CHFR: variants seen among roughly 807,000 people sequenced by gnomAD.
The protein encoded by CHFR is E3 ubiquitin-protein ligase CHFR.
In CHFR, 57 loss-of-function variants were observed where a neutral mutation model predicts 87.6. That is an observed-to-expected ratio of 0.65 (90% confidence interval 0.53 to 0.81). The LOEUF is 0.81. Ranked by LOEUF, CHFR falls within the 30% of genes least tolerant of loss-of-function variation. The pLI, the probability that CHFR is intolerant of heterozygous loss-of-function variation, is 0.00. For synonymous variants in CHFR, 381 were observed against 359.2 expected (o/e 1.06, Z -0.69); for missense variants, 797 against 865.8 (o/e 0.92, Z 1.00).
At position 132,838,605 on chromosome 12, in the gene CHFR, A is replaced by C. The variant is rs1950665663; in HGVS notation, c.*2949T>G. On this transcript the variant is annotated 3_prime_UTR_variant, in exon 18 of 18. Transcript: ENST00000450056. ...GCAGCCCTGCCCTGGGTTTGTCCCA[A>C]GGCTGGGCCAAGGAGCCAGGAAGAA... The C allele has an allele frequency of 6.6e-6, 1 of 152,472 alleles. No homozygotes were observed. The highest frequency in any genetic ancestry group is 2.1e-4 in the South Asian group (1 of 4,838). The allele number at this position is 152,472 out of a possible 1,614,324, so 9.4% of individuals were successfully genotyped here.
At chr12:132,868,464 C>T (rs10870529) in intron 6 of CHFR, among the ~76,000 whole-genome samples, 121,999 of 147,458 alleles carry the variant, frequency 0.83, 52,617 homozygotes, top group Non-Finnish European at 0.98. Flanking sequence ...ATCGCGCCAC[C>T]GCACTCCAGC....
intron 15 of CHFR, among the ~76,000 whole-genome samples, chr12:132,846,647 G>A (rs1400807631): frequency 6.6e-6 from 1 of 152,010 alleles, no homozygotes; most frequent in Non-Finnish European, 1.5e-5. Flanking sequence ...TTGGGAAGCT[G>A]AGGTGGGCAG....
Position 132,838,056 on chromosome 12 carries a change from C to G in CHFR, c.*3498G>C, listed in dbSNP as rs1950661643. ...CTGCCTCAGGGCCAGCATTGCTCCA[C>G]TCTCCCAGCCTGCCAGCCCGAAGCT... On this transcript the variant is annotated 3_prime_UTR_variant, in exon 18 of 18. Coordinates refer to ENST00000450056, the MANE Select transcript of CHFR (RefSeq NM_001161346.2). 6.6e-6 allele frequency: 1 copy of G among 152,314 alleles called. No homozygotes were observed. Among genetic ancestry groups the G allele is most frequent in the Admixed American group, 6.5e-5 (1 of 15,288 alleles). 9.4% of individuals were successfully genotyped at this position (152,314 alleles called of 1,614,324 possible).
At chr12:132,848,416 T>C (rs914255505) in intron 13 of CHFR, 11 of 724,522 alleles carry the variant, frequency 1.5e-5, no homozygotes, top group Non-Finnish European at 2.3e-5. Flanking sequence ...GCAAGGATTC[T>C]GTCCTGGGAG....
chr12:132,858,759 T>A (rs970224607), intron 8 of CHFR, among the ~76,000 whole-genome samples: 3,488 of 44,296 alleles, frequency 0.079, no homozygotes, highest in African/African-American at 0.089. Flanking sequence ...AAAAAAGGAA[T>A]AAAAAATATT....
chr12:132,852,204 G>A (rs1950964770), intron 11 of CHFR, among the ~76,000 whole-genome samples: 1 of 151,398 alleles, frequency 6.6e-6, no homozygotes. Context: ...TAGCCAGGAT[G>A]GTCTCAATCT....
intron 10 of CHFR, among the ~76,000 whole-genome samples, chr12:132,855,455 A>C (rs1286919480): frequency 6.6e-6 from 1 of 151,862 alleles, no homozygotes; most frequent in African/African-American, 2.4e-5. Context: ...TCACGAGGTC[A>C]GGAGATCAAG....
rs559888766 is a variant in CHFR at position 132,845,430 on chromosome 12, C to G, written c.1736-1296G>C. 4.0e-5 allele frequency among the ~76,000 whole-genome samples: 6 copies of G among 151,582 alleles called. No homozygotes were observed. In the East Asian group the frequency reaches 7.8e-4, roughly 20 times the overall value. The stretch of plus-strand genomic sequence containing the variant: ...CTGAGATTGTGCCATTGCACTCCAG[C>G]CTGGGTGACACAGCAAGATTCCATC... On this transcript the variant is annotated intron_variant, in intron 15 of 17. Coordinates refer to ENST00000450056, the MANE Select transcript of CHFR (RefSeq NM_001161346.2).
At chr12:132,859,781 A>G (rs537062602) in intron 7 of CHFR, among the ~76,000 whole-genome samples, 1 of 152,280 alleles carries the variant, frequency 6.6e-6, no homozygotes, top group Middle Eastern at 3.4e-3. Context: ...ATGGCTCACA[A>G]CTGTAATCCC....
chr12:132,843,793 C>G (rs1950751023), intron 16 of CHFR, among the ~76,000 whole-genome samples: 1 of 151,960 alleles, frequency 6.6e-6, no homozygotes, highest in Admixed American at 6.6e-5. Flanking sequence ...TACTAAAACA[C>G]AAAAAATTAG....
At chr12:132,856,930 G>A (rs1289666851) in intron 9 of CHFR, among the ~76,000 whole-genome samples, 5 of 148,578 alleles carry the variant, frequency 3.4e-5, no homozygotes, top group Non-Finnish European at 5.9e-5. Context: ...TCTGGGTGCT[G>A]GTGGAGGGAC....
intron 2 of CHFR, among the ~76,000 whole-genome samples, chr12:132,885,528 T>TA (rs1221734522): frequency 6.6e-6 from 1 of 152,150 alleles, no homozygotes; most frequent in Non-Finnish European, 1.5e-5. Flanking sequence ...ACAATAATCT[T>TA]AAAGTTTTTG....
intron 13 of CHFR, chr12:132,848,360 G>T: frequency 1.0e-6 from 1 of 967,402 alleles, no homozygotes; most frequent in Non-Finnish European, 1.6e-6. Flanking sequence ...AGCTCTCCGA[G>T]TCTCCCCAGC....
At chr12:132,877,143 A>G (rs1424767010) in intron 3 of CHFR, among the ~76,000 whole-genome samples, 3 of 152,250 alleles carry the variant, frequency 2.0e-5, no homozygotes, top group African/African-American at 4.8e-5. Context: ...GGAGTCCCAC[A>G]AGATTAAAAT....
intron 2 of CHFR, among the ~76,000 whole-genome samples, chr12:132,882,738 C>T (rs1456422314): frequency 2.0e-5 from 3 of 151,432 alleles, no homozygotes; most frequent in Admixed American, 6.6e-5. Flanking sequence ...CAAGGCCTTG[C>T]GCTGTTACCC....
At chr12:132,880,477 T>G (rs2137059241) in intron 2 of CHFR, among the ~76,000 whole-genome samples, 1 of 150,728 alleles carries the variant, frequency 6.6e-6, no homozygotes, top group Non-Finnish European at 1.5e-5. Flanking sequence ...GCTAACATGG[T>G]GAAACCACGT....
rs1367824677 is a variant in CHFR at position 132,845,468 on chromosome 12, A to T, written c.1736-1334T>A. On this transcript the variant is annotated intron_variant, in intron 15 of 17. Transcript: ENST00000450056. ...GCAAGATTCCATCTCAAAAAAAAAA[A>T]TAAATAAATAAATAAAAATAAAAAA... Among the ~76,000 whole-genome samples the T allele has an allele frequency of 1.3e-4, 14 of 109,416 alleles. 1 individual carries two copies. Among genetic ancestry groups the T allele is most frequent in the Non-Finnish European group, 2.9e-4 (13 of 44,488 alleles). 71.8% of individuals were successfully genotyped at this position (109,416 alleles called of 152,430 possible).
chr12:132,853,710 C>T, intron 10 of CHFR, 137 bp from the exon 11 acceptor site: 1 of 1,018,900 alleles, frequency 9.8e-7, no homozygotes, highest in African/African-American at 1.7e-5. Flanking sequence ...GGGCCGGGCC[C>T]CATTCCTGTC....
intron 17 of CHFR, among the ~76,000 whole-genome samples, 158 bp downstream of exon 17, chr12:132,842,853 G>A (rs974098154): frequency 2.2e-4 from 34 of 152,352 alleles, no homozygotes; most frequent in African/African-American, 7.7e-4. Context: ...TGCATGAAAC[G>A]AAGGGATAAA....
Sources: allele counts gnomAD v4.1 joint callset (sites outside exome capture counted in the v4.1 genomes callset), GRCh38; gene constraint gnomAD v4.1.1; transcripts MANE v1.5; gene names NCBI Gene and HGNC (gene_info 2026-07-23, HGNC 2026-07-21).